Variants in DIPK1A observed in about 807,000 individuals in gnomAD.
DIPK1A encodes the protein family with sequence similarity 69 member A.
Under a neutral mutation model 40.8 loss-of-function variants are expected in DIPK1A, and 27 were observed. That is an observed-to-expected ratio of 0.66 (90% CI 0.49 to 0.91). The LOEUF is 0.91. Among genes scored for constraint, DIPK1A ranks in the 40% least tolerant of loss-of-function variants. The probability of loss-of-function intolerance (pLI) is 0.00; values close to 1 mark genes in which losing one functional copy is unlikely to be tolerated. For missense variants in DIPK1A, 412 were observed against 505.7 expected, an observed-to-expected ratio of 0.81 and a Z score of 1.78; for synonymous variants, 166 against 171.3, an observed-to-expected ratio of 0.97 and a Z score of 0.24.
chr1:92,894,247 T>C (rs965897931), intron 1 of DIPK1A, among the ~76,000 whole-genome samples: 1 of 152,104 alleles, frequency 6.6e-6, no homozygotes, highest in African/African-American at 2.4e-5. Context: ...GACCACGTAG[T>C]TGGAAGTAAA....
chr1:92,955,277 T>A (rs1399859267), intron 1 of DIPK1A, among the ~76,000 whole-genome samples: 1 of 152,260 alleles, frequency 6.6e-6, no homozygotes, highest in African/African-American at 2.4e-5. Flanking sequence ...ATTATGCATT[T>A]ATCCAAACAC....
intron 4 of DIPK1A, chr1:92,845,542 A>G (rs757987515): frequency 4.9e-4 from 61 of 123,964 alleles, no homozygotes; most frequent in African/African-American, 2.2e-3. Context: ...GTCTCTGCTG[A>G]AAAAAAAAAA....
rs753802547 is a variant in DIPK1A at position 92,847,345 on chromosome 1, A to G, written c.312T>C (p.Ile104=). ...TCACAACACCTGGTAGATTATCCCA[A>G]ATCCCTAAATACATCTATGTAAAAA... ...TKPNNQMYLG[I]WDNLPGVVKC... The change falls in exon 4 of 5, where the codon ATT becomes ATC. Residue 104 remains isoleucine (I), a synonymous_variant. Coordinates refer to ENST00000370310, the MANE Select transcript of DIPK1A (RefSeq NM_001006605.5). The G allele has an allele frequency of 9.3e-6, 15 of 1,605,372 alleles. No individual in the cohort carries two copies. In the African/African-American group the frequency reaches 1.9e-4, roughly 20 times the overall value.
chr1:92,858,353 C>T (rs563166881), intron 2 of DIPK1A, among the ~76,000 whole-genome samples: 1 of 152,278 alleles, frequency 6.6e-6, no homozygotes, highest in African/African-American at 2.4e-5. Context: ...TGAAATCTAA[C>T]ATTATTTGTG....
chr1:92,869,945 T>C (rs1035058290), intron 2 of DIPK1A, among the ~76,000 whole-genome samples: 12 of 152,060 alleles, frequency 7.9e-5, no homozygotes, highest in Non-Finnish European at 1.5e-4. Context: ...GGTAATTACT[T>C]AGGCAGCTAT....
chr1:92,847,787 G>T (rs1192485024), intron 3 of DIPK1A, among the ~76,000 whole-genome samples: 3 of 152,184 alleles, frequency 2.0e-5, no homozygotes, highest in African/African-American at 7.2e-5. Context: ...CCAGGCTGGG[G>T]TTCAGTGGCA....
At chr1:92,880,479 A>G (rs373061987) in intron 1 of DIPK1A, among the ~76,000 whole-genome samples, 6 of 152,314 alleles carry the variant, frequency 3.9e-5, no homozygotes, top group East Asian at 1.9e-4. Context: ...GTGATAACTT[A>G]TTTCAAAACA....
chr1:92,935,420 T>C (rs1177889452), intron 1 of DIPK1A, among the ~76,000 whole-genome samples: 2 of 152,226 alleles, frequency 1.3e-5, no homozygotes, highest in Non-Finnish European at 2.9e-5. Flanking sequence ...AGATTAGAAA[T>C]GGTTTTAAAA....
intron 1 of DIPK1A, among the ~76,000 whole-genome samples, chr1:92,924,457 A>G (rs902754708): frequency 2.6e-5 from 4 of 152,138 alleles, no homozygotes; most frequent in Non-Finnish European, 5.9e-5. Context: ...CGCACGGATC[A>G]AGGGGAACTG....
At chr1:92,947,233 A>T (rs550751297) in intron 1 of DIPK1A, among the ~76,000 whole-genome samples, 1 of 152,318 alleles carries the variant, frequency 6.6e-6, no homozygotes, top group African/African-American at 2.4e-5. Context: ...ACAGAAAATC[A>T]TCAGTTATTC....
At chr1:92,838,574 T>C, downstream of DIPK1A, among the ~76,000 whole-genome samples, 1 of 152,266 alleles carries the variant, frequency 6.6e-6, no homozygotes, top group East Asian at 1.9e-4. Flanking sequence ...TGTATTTTTC[T>C]AGCTGGCTCA....
intron 1 of DIPK1A, among the ~76,000 whole-genome samples, chr1:92,919,248 A>T (rs1192695856): frequency 6.6e-6 from 1 of 152,190 alleles, no homozygotes; most frequent in Non-Finnish European, 1.5e-5. Flanking sequence ...TATATTAGAG[A>T]CCTTACCATT....
In DIPK1A at chr1:92,842,418, G is replaced by A. The variant is rs1571042066; in HGVS notation, c.*965C>T. 3 of 979,550 alleles carry A rather than the reference G, an allele frequency of 3.1e-6. No homozygotes were observed. The highest frequency in any genetic ancestry group is 3.6e-6 in the Non-Finnish European group (3 of 824,692). 60.7% of individuals were successfully genotyped at this position (979,550 alleles called of 1,614,324 possible). A position where few individuals can be genotyped will look rare whatever the true frequency, so the allele number is the denominator to read the frequency against. On this transcript the variant is annotated 3_prime_UTR_variant, in exon 5 of 5. Transcript: ENST00000370310. ...AGGTACATGCCAAATCTGAGTATAC[G>A]TGTGAAAATAATATGAAAGAGGAGC...
chr1:92,900,881 G>GTT (rs200626155), intron 1 of DIPK1A, among the ~76,000 whole-genome samples: 10 of 146,464 alleles, frequency 6.8e-5, no homozygotes, highest in East Asian at 2.0e-4. Context: ...GCTTTTTCAT[G>GTT]TTTTTTTTTT....
At chr1:92,959,043 T>A (rs903339116) in intron 1 of DIPK1A, among the ~76,000 whole-genome samples, 1 of 152,196 alleles carries the variant, frequency 6.6e-6, no homozygotes, top group Non-Finnish European at 1.5e-5. Context: ...CCCATCACTT[T>A]GGGAGGTCAA....
At chr1:92,942,740 A>G (rs1193352652) in intron 1 of DIPK1A, among the ~76,000 whole-genome samples, 2 of 152,106 alleles carry the variant, frequency 1.3e-5, no homozygotes, top group East Asian at 3.9e-4. Flanking sequence ...GCTGACTGCA[A>G]CCTCTGCCTC....
intron 4 of DIPK1A, chr1:92,833,756 G>GC: frequency 1.1e-6 from 1 of 946,646 alleles, no homozygotes; most frequent in Non-Finnish European, 1.7e-6. Flanking sequence ...GGGCTGTCTA[G>GC]CACCTCCAAA....
At chr1:92,841,707 TTAAA>T (rs1209169713), downstream of DIPK1A, 1 of 1,050,776 alleles carries the variant, frequency 9.5e-7, no homozygotes, top group Non-Finnish European at 1.3e-6. Flanking sequence ...AAATTTTAAA[TTAAA>T]TATTCTATTC....
At chr1:92,935,267 A>T (rs1357648281) in intron 1 of DIPK1A, among the ~76,000 whole-genome samples, 2 of 152,192 alleles carry the variant, frequency 1.3e-5, no homozygotes, top group African/African-American at 4.8e-5. Flanking sequence ...CTTTTAATCT[A>T]AGTCATTTCA....
Sources: gnomAD v4.1 joint callset for allele counts (sites outside exome capture counted in the v4.1 genomes callset) on GRCh38, gnomAD v4.1.1 for gene constraint, MANE v1.5 for transcripts, NCBI Gene and HGNC (gene_info 2026-07-23, HGNC 2026-07-21) for gene names.